KCNK3: variants seen among roughly 807,000 people sequenced by gnomAD.
KCNK3 encodes the protein potassium channel subfamily K member 3.
In KCNK3, 9 loss-of-function variants were observed where a neutral mutation model predicts 27.3. The ratio of observed to expected loss-of-function variants is 0.33; its 90% CI spans 0.20 to 0.57. KCNK3 has a LOEUF of 0.57. KCNK3 is among the 20% of genes least tolerant of loss of function. KCNK3 has a pLI of 0.87. For synonymous variants in KCNK3, 278 were observed against 273.8 expected (o/e 1.02, Z -0.15); for missense variants, 391 against 577.7 (o/e 0.68, Z 3.31).
Position 26,728,981 on chromosome 2 carries a change from T to G in KCNK3, c.*413T>G. 6.1e-6 allele frequency: 1 copy of G among 163,186 alleles called. No individual in the cohort carries two copies. The allele number at this position is 163,186 out of a possible 1,614,324, so 10.1% of individuals were successfully genotyped here. On this transcript the variant is annotated 3_prime_UTR_variant, in exon 2 of 2. Transcript: ENST00000302909. ...CCTCTGTCCTGCTAGGTCTCCCACC[T>G]TCCCTTGGTTCCAAAAGCCAGGGTG...
chr2:26,727,539 C>G, intron 1 of KCNK3, 128 bp from the exon 2 acceptor site: 1 of 1,227,682 alleles, frequency 8.1e-7, no homozygotes. Context: ...GGATAAGGAG[C>G]GCCCATCACT....
At position 26,728,824 on chromosome 2, in the gene KCNK3, G is replaced by A. The variant is rs1663483058; in HGVS notation, c.*256G>A. 2 of 389,002 alleles carry A rather than the reference G, an allele frequency of 5.1e-6. No individual in the cohort carries two copies. Among genetic ancestry groups the A allele is most frequent in the Non-Finnish European group, 9.1e-6 (2 of 220,390 alleles). The allele number at this position is 389,002 out of a possible 1,614,324, so 24.1% of individuals were successfully genotyped here. A position where few individuals can be genotyped will look rare whatever the true frequency, so the allele number is the denominator to read the frequency against. ...AAACTTGGTGGGGTCAGGGAGGAAA[G>A]GCAGAAGCTGGGAGCCTCCCTTCCC... is the stretch of plus-strand genomic sequence containing the variant. On this transcript the variant is annotated 3_prime_UTR_variant, in exon 2 of 2. Transcript: ENST00000302909.
intron 1 of KCNK3, among the ~76,000 whole-genome samples, chr2:26,707,000 C>T (rs903520618): frequency 1.1e-4 from 16 of 152,138 alleles, no homozygotes; most frequent in African/African-American, 3.4e-4. Flanking sequence ...CCAGCCCTCC[C>T]GAGAAGCATG....
intron 1 of KCNK3, among the ~76,000 whole-genome samples, chr2:26,699,207 GAGAAAGAAAGAAAGAAAGAA>G (rs1553384397): frequency 3.1e-5 from 4 of 130,966 alleles, no homozygotes; most frequent in Non-Finnish European, 6.2e-5. Context: ...AGGAAAGAGA[GAGAAAGAAAGAAAGAAAGAA>G]AGAAAGAAAG....
At chr2:26,706,771 T>C (rs562420230) in intron 1 of KCNK3, among the ~76,000 whole-genome samples, 35 of 152,256 alleles carry the variant, frequency 2.3e-4, no homozygotes, top group African/African-American at 8.2e-4. Context: ...AGTGAACTCG[T>C]AGAGGCAGGC....
intron 1 of KCNK3, among the ~76,000 whole-genome samples, chr2:26,708,500 C>T (rs1424282363): frequency 6.6e-6 from 1 of 152,008 alleles, no homozygotes; most frequent in Non-Finnish European, 1.5e-5. Flanking sequence ...ATGGTGAAAC[C>T]CTGTCTCTAC....
intron 1 of KCNK3, among the ~76,000 whole-genome samples, chr2:26,698,904 T>C (rs1225583438): frequency 6.6e-6 from 1 of 152,006 alleles, no homozygotes; most frequent in Non-Finnish European, 1.5e-5. Flanking sequence ...GGGCTGGGTG[T>C]GGTGGCTCAC....
chr2:26,694,856 C>T (rs114837478), intron 1 of KCNK3, among the ~76,000 whole-genome samples: 91 of 152,246 alleles, frequency 6.0e-4, no homozygotes, highest in African/African-American at 2.1e-3. Flanking sequence ...CAAGCCTTCA[C>T]GCGTGTCCCC....
At chr2:26,717,818 C>T (rs1393311199) in intron 1 of KCNK3, among the ~76,000 whole-genome samples, 2 of 152,216 alleles carry the variant, frequency 1.3e-5, no homozygotes, top group African/African-American at 2.4e-5. Context: ...TTATCCTCTC[C>T]GTCTCCATTC....
rs75413928 is a variant in KCNK3 at position 26,710,185 on chromosome 2, C to A, written c.283+17027C>A. Among the ~76,000 whole-genome samples the A allele has an allele frequency of 2.7e-4, 41 of 152,276 alleles. No individual in the cohort carries two copies. The East Asian group carries it at 7.3e-3, about 27-fold the overall frequency. On this transcript the variant is annotated intron_variant, in intron 1 of 1. Transcript: ENST00000302909. The stretch of plus-strand genomic sequence containing the variant: ...GAGCTTTGCAGGGAACCTGGGCCTG[C>A]GAGACAGAAGTGTGGCCCCTGTCCC...
At chr2:26,714,886 A>AAAATAAATAAATAAATAAAT (rs56401258) in intron 1 of KCNK3, among the ~76,000 whole-genome samples, 2 of 145,810 alleles carry the variant, frequency 1.4e-5, no homozygotes, top group South Asian at 2.2e-4. Context: ...ACTCCATCTC[A>AAAATAAATAAATAAATAAAT]AAATAAATAA....
intron 1 of KCNK3, among the ~76,000 whole-genome samples, chr2:26,723,819 G>C (rs1663364569): frequency 6.6e-6 from 1 of 152,200 alleles, no homozygotes; most frequent in Non-Finnish European, 1.5e-5. Context: ...AGTCCTGGTA[G>C]TTTTCTGAGA....
rs566635240 is a variant in KCNK3 at position 26,706,408 on chromosome 2, G to C, written c.283+13250G>C. 3.9e-5 allele frequency among the ~76,000 whole-genome samples: 6 copies of C among 152,224 alleles called. No homozygotes were observed. The East Asian group carries it at 1.2e-3, about 30-fold the overall frequency. ...ACTGCCTGCTCTCAAACAACCCCAG[G>C]GAAGGTGGTCAGCCCAGGGGAGGCC... is the stretch of plus-strand genomic sequence containing the variant. On this transcript the variant is annotated intron_variant, in intron 1 of 1. Transcript: ENST00000302909.
At chr2:26,719,627 C>A (rs1415487013) in intron 1 of KCNK3, among the ~76,000 whole-genome samples, 1 of 152,226 alleles carries the variant, frequency 6.6e-6, no homozygotes, top group Admixed American at 6.5e-5. Context: ...CTGAAGTTTT[C>A]AAAGTGCTTC....
chr2:26,729,476 C>T lies in KCNK3; in HGVS notation c.*908C>T, dbSNP rs763505506. The stretch of plus-strand genomic sequence containing the variant: ...TACTTAGGTCATCAGGGCAGGAGTT[C>T]TCACTCCCATTTTACAGATGAGAAT... On this transcript the variant is annotated 3_prime_UTR_variant, in exon 2 of 2. Transcript: ENST00000302909. The T allele has an allele frequency of 5.9e-5, 9 of 152,114 alleles. No homozygotes were observed. Among genetic ancestry groups the T allele is most frequent in the Non-Finnish European group, 8.8e-5 (6 of 68,052 alleles). 9.4% of individuals were successfully genotyped at this position (152,114 alleles called of 1,614,324 possible).
chr2:26,718,946 A>G (rs1232265111), intron 1 of KCNK3, among the ~76,000 whole-genome samples: 2 of 152,324 alleles, frequency 1.3e-5, no homozygotes, highest in Non-Finnish European at 1.5e-5. Flanking sequence ...GGATCCCACA[A>G]TATAGAAAGC....
At chr2:26,717,426 C>T (rs12468863) in intron 1 of KCNK3, among the ~76,000 whole-genome samples, 62,210 of 152,090 alleles carry the variant, frequency 0.41, 14,646 homozygotes, top group Non-Finnish European at 0.52. Context: ...ATGTGTAAGA[C>T]TCGGGCCAGC....
chr2:26,706,298 C>CA (rs1274202567), intron 1 of KCNK3, among the ~76,000 whole-genome samples: 2 of 152,126 alleles, frequency 1.3e-5, no homozygotes, highest in African/African-American at 4.8e-5. Flanking sequence ...CCCCTCCCCC[C>CA]CAGAGGAGGA....
intron 1 of KCNK3, among the ~76,000 whole-genome samples, chr2:26,699,194 G>A (rs1314982): frequency 0.73 from 94,097 of 129,104 alleles, 32,492 homozygotes; most frequent in Admixed American, 0.8. Flanking sequence ...AAAAAAAAAA[G>A]GAAGGAAAGA....
Sources: allele counts gnomAD v4.1 joint callset (sites outside exome capture counted in the v4.1 genomes callset), GRCh38; gene constraint gnomAD v4.1.1; transcripts MANE v1.5; gene names NCBI Gene and HGNC (gene_info 2026-07-23, HGNC 2026-07-21).